BARD1: variants seen among roughly 807,000 people sequenced by gnomAD.
BARD1 encodes the protein BRCA1-associated RING domain protein 1.
A neutral mutation model predicts 77.0 loss-of-function variants in BARD1; 73 were observed. The ratio of observed to expected loss-of-function variants is 0.95; its 90% confidence interval spans 0.79 to 1.15. The LOEUF is 1.15. Among genes scored for constraint, BARD1 ranks in the 50% most tolerant of loss-of-function variants. The probability of loss-of-function intolerance (pLI) is 0.00; values close to 1 mark genes in which losing one functional copy is unlikely to be tolerated. For synonymous variants in BARD1, 384 were observed against 338.0 expected, an observed-to-expected ratio of 1.14 and a Z score of -1.49; for missense variants, 993 against 938.8, an observed-to-expected ratio of 1.06 and a Z score of -0.75.
intron 4 of BARD1, among the ~76,000 whole-genome samples, chr2:214,775,055 C>T (rs764005847): frequency 2.0e-5 from 3 of 152,310 alleles, no homozygotes; most frequent in African/African-American, 4.8e-5. Context: ...CCAGACCATT[C>T]CAACTCTCCT....
intron 7 of BARD1, among the ~76,000 whole-genome samples, chr2:214,751,079 CTGTGTGTGTGTGTG>C (rs760986670): frequency 0.023 from 925 of 39,508 alleles, 94 homozygotes; most frequent in African/African-American, 0.062. Context: ...CTGTGAAATT[CTGTGTGTGTGTGTG>C]TGTGTGTGTG....
chr2:214,790,944 G>T (rs529514373), intron 3 of BARD1, among the ~76,000 whole-genome samples: 1 of 152,096 alleles, frequency 6.6e-6, no homozygotes, highest in Non-Finnish European at 1.5e-5. Flanking sequence ...GGGAGAGAAA[G>T]GTAGATCACA....
intron 2 of BARD1, among the ~76,000 whole-genome samples, chr2:214,794,294 G>A (rs1282589491): frequency 6.6e-6 from 1 of 152,038 alleles, no homozygotes; most frequent in African/African-American, 2.4e-5. Flanking sequence ...AAGTTTTGGT[G>A]TAGTATTAAA....
intron 10 of BARD1, among the ~76,000 whole-genome samples, chr2:214,729,439 G>A (rs919707876): frequency 6.6e-5 from 10 of 152,162 alleles, no homozygotes; most frequent in Non-Finnish European, 1.5e-4. Flanking sequence ...TGCTCCATCT[G>A]TAACAATTAT....
At chr2:214,753,816 G>A (rs1432004516) in intron 6 of BARD1, among the ~76,000 whole-genome samples, 1 of 152,096 alleles carries the variant, frequency 6.6e-6, no homozygotes, top group Non-Finnish European at 1.5e-5. Flanking sequence ...ACTGCAATTC[G>A]TGACTATCAG....
In BARD1 at chr2:214,752,508, A is replaced by G. The variant is rs1574756354; in HGVS notation, c.1616T>C (p.Met539Thr). ...RPVDYTDDES[M>T]KSLLLLPEKN... ...CTCTGGTAGCAGCAATAGCGATTTC[A>G]TACTTTCATCATCTGTATAATCGAC... Residue 539 changes from methionine (M) to threonine (T), a missense_variant, in exon 7 of 11, where the codon ATG becomes ACG. Physicochemically the swap from Met to Thr is moderately conservative, Grantham distance 81 (BLOSUM62 -1). Transcript: ENST00000260947. The G allele has an allele frequency of 6.2e-7, 1 of 1,613,846 alleles. No individual in the cohort carries two copies. Among genetic ancestry groups the G allele is most frequent in the Non-Finnish European group, 8.5e-7 (1 of 1,179,822 alleles).
intron 2 of BARD1, among the ~76,000 whole-genome samples, chr2:214,795,030 T>C (rs1467718220): frequency 6.6e-6 from 1 of 152,164 alleles, no homozygotes; most frequent in Non-Finnish European, 1.5e-5. Context: ...AAACCAACTT[T>C]GCATAAAATG....
chr2:214,808,021 A>C (rs1285833626), intron 1 of BARD1, among the ~76,000 whole-genome samples: 1 of 152,252 alleles, frequency 6.6e-6, no homozygotes, highest in African/African-American at 2.4e-5. Flanking sequence ...TCACTTTTCT[A>C]AGAAGTGCAA....
At chr2:214,741,854 C>T (rs1026858239) in intron 9 of BARD1, among the ~76,000 whole-genome samples, 2 of 152,048 alleles carry the variant, frequency 1.3e-5, no homozygotes, top group Admixed American at 6.6e-5. Flanking sequence ...AGATATTAAC[C>T]AATTAAGACA....
chr2:214,783,853 T>C (rs185206963), intron 3 of BARD1, among the ~76,000 whole-genome samples: 2 of 152,230 alleles, frequency 1.3e-5, no homozygotes, highest in African/African-American at 2.4e-5. Context: ...CCTTACACCT[T>C]ATATAAAAAT....
chr2:214,760,968 G>A (rs1275018956), intron 6 of BARD1, among the ~76,000 whole-genome samples: 2 of 150,930 alleles, frequency 1.3e-5, no homozygotes, highest in Non-Finnish European at 2.9e-5. Context: ...TAGAGACGGG[G>A]TTTCACCGTG....
chr2:214,731,058 G>C, intron 9 of BARD1: 2 of 314,886 alleles, frequency 6.4e-6, no homozygotes, highest in Non-Finnish European at 6.5e-6. Context: ...TAAACAAGCA[G>C]AGCTTGGGAT....
chr2:214,790,346 G>T (rs570493117), intron 3 of BARD1, among the ~76,000 whole-genome samples: 1 of 152,114 alleles, frequency 6.6e-6, no homozygotes, highest in African/African-American at 2.4e-5. Flanking sequence ...CATTGCAGAT[G>T]TAACTAGCTA....
At chr2:214,769,162 C>A in intron 5 of BARD1, 70 bp downstream of exon 5, 1 of 1,316,752 alleles carries the variant, frequency 7.6e-7, no homozygotes, top group Non-Finnish European at 1.1e-6. Flanking sequence ...GATATATAGA[C>A]AACTACATAA....
rs145131442 is a variant in BARD1, at chr2:214,731,761, G to A, written c.1904-1253C>T. On this transcript the variant is annotated intron_variant, in intron 9 of 10. Transcript: ENST00000260947. ...GGAACCATATATTATTCACCTATGC[G>A]TTCTTCAGAATTTCATACACTTTCC... Among the ~76,000 whole-genome samples the A allele has an allele frequency of 3.7e-3, 563 of 152,226 alleles. 5 individuals carry two copies. The highest frequency in any genetic ancestry group is 0.013 in the African/African-American group (529 of 41,538).
At chr2:214,803,238 G>T (rs1696108119) in intron 1 of BARD1, among the ~76,000 whole-genome samples, 1 of 151,928 alleles carries the variant, frequency 6.6e-6, no homozygotes. Context: ...TTCTCCCCAT[G>T]TGATAGTCTG....
chr2:214,759,030 C>T (rs1207282493), intron 6 of BARD1, among the ~76,000 whole-genome samples: 1 of 152,130 alleles, frequency 6.6e-6, no homozygotes, highest in Non-Finnish European at 1.5e-5. Flanking sequence ...AAACTGCAAA[C>T]ATATAGATTT....
At chr2:214,774,388 T>C (rs1694650546) in intron 4 of BARD1, among the ~76,000 whole-genome samples, 1 of 152,182 alleles carries the variant, frequency 6.6e-6, no homozygotes, top group African/African-American at 2.4e-5. Flanking sequence ...GAAAGTAAAG[T>C]TACTCCTTGA....
intron 3 of BARD1, among the ~76,000 whole-genome samples, chr2:214,789,417 T>C (rs1177302832): frequency 1.3e-5 from 2 of 150,586 alleles, no homozygotes; most frequent in African/African-American, 4.9e-5. Flanking sequence ...TGGTGGTGAG[T>C]GCCTGTAGTC....
Sources: gnomAD v4.1 joint callset for allele counts (sites outside exome capture counted in the v4.1 genomes callset) on GRCh38, gnomAD v4.1.1 for gene constraint, MANE v1.5 for transcripts, NCBI Gene and HGNC (gene_info 2026-07-23, HGNC 2026-07-21) for gene names.